The following FHIT variants were observed in gnomAD, a reference collection of about 807,000 sequenced individuals.
FHIT encodes fragile histidine triad diadenosine triphosphatase, also known as bis(5'-adenosyl)-triphosphatase.
FHIT carries 19 observed loss-of-function variants against 17.9 expected under a neutral mutation model. That is an observed-to-expected ratio of 1.06 (90% CI 0.74 to 1.56). The LOEUF (loss-of-function observed/expected upper bound fraction) is 1.56, where lower values mean the gene tolerates loss of function less well. FHIT is among the 40% of genes most tolerant of loss of function. The pLI is 0.00. For synonymous variants in FHIT, 81 were observed against 69.7 expected (o/e 1.16, Z -0.81); for missense variants, 248 against 189.2 (o/e 1.31, Z -1.82).
At chr3:60,819,650 C>T (rs560341670) in intron 4 of FHIT, among the ~76,000 whole-genome samples, 3 of 152,254 alleles carry the variant, frequency 2.0e-5, no homozygotes, top group South Asian at 4.1e-4. Flanking sequence ...TACCAGCCAC[C>T]TTGCTAACCA....
intron 3 of FHIT, among the ~76,000 whole-genome samples, chr3:60,837,644 T>G (rs1467911995): frequency 6.6e-6 from 1 of 152,174 alleles, no homozygotes; most frequent in Non-Finnish European, 1.5e-5. Context: ...TGCCATTTTA[T>G]TTTTTGTTTA....
chr3:60,148,283 C>CA (rs933716407), intron 5 of FHIT, among the ~76,000 whole-genome samples: 2 of 152,106 alleles, frequency 1.3e-5, no homozygotes, highest in Non-Finnish European at 2.9e-5. Flanking sequence ...AGATAAATGG[C>CA]ATATGTGGTA....
intron 4 of FHIT, among the ~76,000 whole-genome samples, chr3:60,806,533 T>G (rs1701395390): frequency 6.6e-6 from 1 of 152,248 alleles, no homozygotes; most frequent in South Asian, 2.1e-4. Flanking sequence ...CACATTGTTT[T>G]AAATCACTAA....
At chr3:60,920,212 C>A (rs1203516806) in intron 3 of FHIT, among the ~76,000 whole-genome samples, 1 of 152,052 alleles carries the variant, frequency 6.6e-6, no homozygotes, top group Non-Finnish European at 1.5e-5. Context: ...AAGCACTTAG[C>A]ACAGCATTTG....
chr3:60,399,896 T>C (rs142012996), intron 5 of FHIT, among the ~76,000 whole-genome samples: 21 of 152,264 alleles, frequency 1.4e-4, no homozygotes, highest in African/African-American at 5.1e-4. Context: ...TACCAAACTT[T>C]ACAGAGGATG....
chr3:60,415,395 T>A (rs1213629216), intron 5 of FHIT, among the ~76,000 whole-genome samples: 1 of 152,224 alleles, frequency 6.6e-6, no homozygotes, highest in East Asian at 1.9e-4. Flanking sequence ...AATACATTTA[T>A]TTCAATGATA....
chr3:60,451,006 C>G (rs1158498638), intron 5 of FHIT, among the ~76,000 whole-genome samples: 1 of 152,052 alleles, frequency 6.6e-6, no homozygotes, highest in East Asian at 1.9e-4. Flanking sequence ...TAGGTATTTT[C>G]AATTTGTATA....
intron 4 of FHIT, among the ~76,000 whole-genome samples, chr3:60,755,594 C>T (rs1553718069): frequency 1.3e-5 from 2 of 152,106 alleles, no homozygotes; most frequent in African/African-American, 4.8e-5. Flanking sequence ...TATTTCACAT[C>T]ATCAGTCACA....
intron 2 of FHIT, among the ~76,000 whole-genome samples, chr3:61,082,304 G>A (rs1381877498): frequency 6.6e-6 from 1 of 152,108 alleles, no homozygotes; most frequent in Non-Finnish European, 1.5e-5. Flanking sequence ...ACATTGATTA[G>A]TTTTACATGG....
chr3:59,752,867 C>G lies in FHIT; in HGVS notation c.349-546G>C, dbSNP rs142667094. Reference sequence around the variant, plus strand: ...GAGAAACCAGGAGCCAATTAAACTGCTGTTCCTTATAAATTACCCAGCCCC... The same window carrying G: ...GAGAAACCAGGAGCCAATTAAACTGGTGTTCCTTATAAATTACCCAGCCCC... On this transcript the variant is annotated intron_variant, in intron 8 of 9. Coordinates refer to ENST00000492590, the MANE Select transcript of FHIT (RefSeq NM_002012.4). Among the ~76,000 whole-genome samples, 5 of 152,266 alleles carry G rather than the reference C, an allele frequency of 3.3e-5. No individual in the cohort carries two copies. The East Asian group carries it at 9.7e-4, about 29-fold the overall frequency.
At chr3:60,340,732 G>A (rs1379062612) in intron 5 of FHIT, among the ~76,000 whole-genome samples, 1 of 152,008 alleles carries the variant, frequency 6.6e-6, no homozygotes, top group Non-Finnish European at 1.5e-5. Flanking sequence ...TTTTGAGACA[G>A]AGTCTCACTC....
At chr3:60,689,027 G>A (rs564704642) in intron 4 of FHIT, among the ~76,000 whole-genome samples, 1 of 152,186 alleles carries the variant, frequency 6.6e-6, no homozygotes, top group South Asian at 2.1e-4. Context: ...GGGACTTGGT[G>A]GAAGACAATT....
At chr3:60,596,178 T>C in intron 4 of FHIT, 1 of 301,024 alleles carries the variant, frequency 3.3e-6, no homozygotes, top group Non-Finnish European at 4.9e-6. Flanking sequence ...AAAAAAGTTC[T>C]TGGAATAATC....
At chr3:60,248,689 A>C (rs768581476) in intron 5 of FHIT, among the ~76,000 whole-genome samples, 12 of 152,170 alleles carry the variant, frequency 7.9e-5, no homozygotes, top group Non-Finnish European at 1.8e-4. Flanking sequence ...CTAAATGGTT[A>C]GTATTCAGGT....
chr3:60,531,711 C>A (rs1029448268), intron 5 of FHIT, among the ~76,000 whole-genome samples: 1 of 152,140 alleles, frequency 6.6e-6, no homozygotes. Flanking sequence ...ACTAAAAGGG[C>A]GCTTTTATGT....
chr3:61,151,450 C>T (rs1467043271), intron 2 of FHIT, among the ~76,000 whole-genome samples: 1 of 152,120 alleles, frequency 6.6e-6, no homozygotes, highest in Non-Finnish European at 1.5e-5. Flanking sequence ...CCCTCTTTTT[C>T]TCATCATGTA....
chr3:59,954,220 T>C (rs1707274075), intron 7 of FHIT, among the ~76,000 whole-genome samples: 1 of 100,894 alleles, frequency 9.9e-6, no homozygotes, highest in Admixed American at 1.0e-4. Flanking sequence ...TATTTTGTTC[T>C]GTTTTTTTTT....
chr3:60,615,786 CATAAG>C (rs1363027342), intron 4 of FHIT, among the ~76,000 whole-genome samples: 4 of 152,164 alleles, frequency 2.6e-5, no homozygotes, highest in Non-Finnish European at 5.9e-5. Context: ...AATATGATTC[CATAAG>C]ATAAGGCTCC....
intron 4 of FHIT, among the ~76,000 whole-genome samples, chr3:60,578,116 AG>A (rs1218071850): frequency 6.6e-6 from 1 of 152,092 alleles, no homozygotes. Context: ...AAATACAGAA[AG>A]GGATGGAGAA....
Sources: allele counts gnomAD v4.1 joint callset (sites outside exome capture counted in the v4.1 genomes callset), GRCh38; gene constraint gnomAD v4.1.1; transcripts MANE v1.5; gene names NCBI Gene and HGNC (gene_info 2026-07-23, HGNC 2026-07-21).